Variants in ASRGL1 observed in about 807,000 individuals in gnomAD.
ASRGL1 encodes the protein asparaginase and isoaspartyl peptidase 1.
Under a neutral mutation model 22.4 loss-of-function variants are expected in ASRGL1, and 16 were observed. The observed-to-expected ratio is 0.71, with a 90% CI of 0.48 to 1.08. ASRGL1 has a LOEUF of 1.08. Ranked by LOEUF, ASRGL1 falls within the 50% of genes least tolerant of loss-of-function variation. The probability of loss-of-function intolerance (pLI) is 0.00; values close to 1 mark genes in which losing one functional copy is unlikely to be tolerated. For missense variants in ASRGL1, 412 were observed against 410.1 expected (o/e 1.00, Z -0.04); for synonymous variants, 165 against 159.3 (o/e 1.04, Z -0.27).
chr11:62,389,288 T>C, intron 5 of ASRGL1, 37 bp downstream of exon 5: 3 of 1,548,404 alleles, frequency 1.9e-6, no homozygotes, highest in Non-Finnish European at 8.9e-7. Flanking sequence ...CTTCCCCTCT[T>C]CTCCCGCCCT....
chr11:62,373,074 G>A (rs1307372818), intron 4 of ASRGL1: 33 of 1,452,732 alleles, frequency 2.3e-5, no homozygotes, highest in Non-Finnish European at 2.9e-5. Flanking sequence ...AGAGCCGGTC[G>A]CCATGGGCTA....
chr11:62,349,256 C>T (rs768271315), intron 2 of ASRGL1, among the ~76,000 whole-genome samples: 1 of 152,214 alleles, frequency 6.6e-6, no homozygotes, highest in Non-Finnish European at 1.5e-5. Context: ...CATGAGCCAC[C>T]GTGCCCAGCC....
At chr11:62,394,346 T>C (rs537907235), downstream of ASRGL1, among the ~76,000 whole-genome samples, 88 of 141,424 alleles carry the variant, frequency 6.2e-4, no homozygotes, top group Admixed American at 2.1e-3. Context: ...ATAATATATA[T>C]TATATATAAT....
intron 4 of ASRGL1, among the ~76,000 whole-genome samples, chr11:62,360,310 G>A (rs1005743696): frequency 2.6e-5 from 4 of 151,196 alleles, no homozygotes; most frequent in Admixed American, 2.6e-4. Context: ...TTATAGGTAT[G>A]AGCCACCATG....
chr11:62,362,447 T>C lies in ASRGL1; in HGVS notation c.491+5303T>C, dbSNP rs4502002. Reference sequence around the variant, plus strand: ...TTTCTATTAATAAATTTAACAAAACTGTAACCAAAAATATATATATATTAT... The same window carrying C: ...TTTCTATTAATAAATTTAACAAAACCGTAACCAAAAATATATATATATTAT... On this transcript the variant is annotated intron_variant, in intron 4 of 6. Transcript: ENST00000415229. Among the ~76,000 whole-genome samples the C allele has an allele frequency of 8.1e-3, 1,028 of 126,352 alleles. 21 individuals carry two copies. Among genetic ancestry groups the C allele is most frequent in the African/African-American group, 0.027 (917 of 33,610 alleles). 82.9% of individuals were successfully genotyped at this position (126,352 alleles called of 152,430 possible).
chr11:62,383,419 C>T (rs367699650), intron 4 of ASRGL1, among the ~76,000 whole-genome samples: 2 of 149,980 alleles, frequency 1.3e-5, no homozygotes, highest in African/African-American at 2.5e-5. Flanking sequence ...CCGGCTAAAA[C>T]GGTGAAACCC....
chr11:62,352,809 C>A (rs983913191), intron 2 of ASRGL1, among the ~76,000 whole-genome samples: 1 of 152,176 alleles, frequency 6.6e-6, no homozygotes, highest in Non-Finnish European at 1.5e-5. Context: ...AAACTGGTTT[C>A]TCCCCTATAG....
At chr11:62,341,496 G>A (rs59244399) in intron 2 of ASRGL1, among the ~76,000 whole-genome samples, 6,600 of 152,114 alleles carry the variant, frequency 0.043, 489 homozygotes, top group African/African-American at 0.15. Context: ...ACCACGCCCG[G>A]CTGAAAACAG....
chr11:62,362,527 AATAT>A (rs1231470794), intron 4 of ASRGL1, among the ~76,000 whole-genome samples: 6 of 87,066 alleles, frequency 6.9e-5, no homozygotes, highest in African/African-American at 2.3e-4. Flanking sequence ...TTATTTATAT[AATAT>A]ATATTATATA....
In ASRGL1 at chr11:62,356,273, G is replaced by A. The variant is rs370707864; in HGVS notation, c.191-52G>A. The A allele has an allele frequency of 2.7e-4, 435 of 1,592,770 alleles. No homozygotes were observed. The African/African-American group carries it at 4.3e-3, about 16-fold the overall frequency. ...GGGCTGACCCCCCCACCTCCCTCCC[G>A]GACGGGGCGTAAATTCTTAATTCTT... On this transcript the variant is annotated intron_variant, in intron 2 of 6. Transcript: ENST00000415229.
At chr11:62,391,863 A>T in intron 6 of ASRGL1, 2 of 736,422 alleles carry the variant, frequency 2.7e-6, no homozygotes, top group Non-Finnish European at 2.2e-6. Flanking sequence ...GTAGAGAGAC[A>T]TTGAGCCTGG....
At chr11:62,369,634 G>T (rs1167292444) in intron 4 of ASRGL1, among the ~76,000 whole-genome samples, 1 of 152,120 alleles carries the variant, frequency 6.6e-6, no homozygotes, top group Non-Finnish European at 1.5e-5. Context: ...ACAGGGTTAA[G>T]ATTTGTGAGA....
chr11:62,371,275 GGC>G, intron 4 of ASRGL1: 1 of 1,351,300 alleles, frequency 7.4e-7, no homozygotes, highest in Non-Finnish European at 9.7e-7. Flanking sequence ...CAGCAGTGGT[GGC>G]AGCAGCAGCA....
rs1180788952 is a variant in ASRGL1 at position 62,373,044 on chromosome 11, ACT to A, written c.491+15903_491+15904del. ...TTCCACTGCAGCCCAGGAGGTGAAG[ACT>A]CTGCATGGCATTTTCTCAGAGCCGG... On this transcript the variant is annotated intron_variant, in intron 4 of 6. Transcript: ENST00000415229. The A allele has an allele frequency of 7.1e-5, 99 of 1,387,070 alleles. No homozygotes were observed. In the East Asian group the frequency reaches 2.0e-3, roughly 29 times the overall value. 85.9% of individuals were successfully genotyped at this position (1,387,070 alleles called of 1,614,324 possible).
downstream of ASRGL1, among the ~76,000 whole-genome samples, chr11:62,394,619 A>T (rs1057261464): frequency 6.6e-6 from 1 of 152,014 alleles, no homozygotes; most frequent in Admixed American, 6.6e-5. Context: ...GAGCTGGGGG[A>T]TAGGGAGGCC....
At chr11:62,340,457 A>C (rs1189682810) in intron 2 of ASRGL1, among the ~76,000 whole-genome samples, 8 of 152,140 alleles carry the variant, frequency 5.3e-5, no homozygotes, top group African/African-American at 1.9e-4. Flanking sequence ...TGGGCTGTCA[A>C]ACCCTCACTT....
At chr11:62,352,319 C>T (rs1218281291) in intron 2 of ASRGL1, among the ~76,000 whole-genome samples, 1 of 152,192 alleles carries the variant, frequency 6.6e-6, no homozygotes, top group Admixed American at 6.5e-5. Context: ...GGCACGGTGG[C>T]TCACGCCTGT....
intron 4 of ASRGL1, among the ~76,000 whole-genome samples, chr11:62,383,595 T>A (rs1590755648): frequency 2.1e-5 from 1 of 47,520 alleles, no homozygotes; most frequent in South Asian, 1.3e-3. Context: ...AGAGCGAGAC[T>A]CCTACTCAAA....
intron 4 of ASRGL1, among the ~76,000 whole-genome samples, chr11:62,367,750 T>A (rs1167606933): frequency 6.6e-5 from 10 of 151,976 alleles, no homozygotes; most frequent in Admixed American, 6.6e-4. Flanking sequence ...GAGACCAGCC[T>A]GGCCAACATA....
Sources: allele counts gnomAD v4.1 joint callset (sites outside exome capture counted in the v4.1 genomes callset), GRCh38; gene constraint gnomAD v4.1.1; transcripts MANE v1.5; gene names NCBI Gene and HGNC (gene_info 2026-07-23, HGNC 2026-07-21).